The following SNRPN variants were observed in gnomAD, a reference collection of about 807,000 sequenced individuals.
SNRPN encodes the protein small nuclear ribonucleoprotein-associated protein N.
In SNRPN, 7 loss-of-function variants were observed where a neutral mutation model predicts 25.2. The observed-to-expected ratio is 0.28, with a 90% CI of 0.16 to 0.52. The LOEUF is 0.52. Among genes scored for constraint, SNRPN ranks in the 20% least tolerant of loss-of-function variants. The pLI is 0.96. For missense variants in SNRPN, 196 were observed against 322.5 expected, an observed-to-expected ratio of 0.61 and a Z score of 3.00; for synonymous variants, 124 against 110.6, an observed-to-expected ratio of 1.12 and a Z score of -0.76.
chr15:24,978,323 G>C lies in SNRPN; in HGVS notation c.685+5G>C. 6.2e-7 allele frequency: 1 copy of C among 1,614,154 alleles called. No individual in the cohort carries two copies. Among genetic ancestry groups the C allele is most frequent in the Non-Finnish European group, 8.5e-7 (1 of 1,180,018 alleles). On this transcript the variant is annotated splice_donor_5th_base_variant and intron_variant, in intron 9 of 9. Coordinates refer to ENST00000390687, the MANE Select transcript of SNRPN (RefSeq NM_003097.6). ...CCCCTCCACCAGGCATTAGAGGTGA[G>C]TGGGAGCATAGGGGTTTGATGGTTC...
At position 24,938,114 on chromosome 15, in the gene SNRPN, GT is replaced by G. The variant is rs34512648; in HGVS notation, c.-391+18004del. 8.2e-3 allele frequency among the ~76,000 whole-genome samples: 1,145 copies of G among 139,930 alleles called. 14 individuals are homozygous for G. Among genetic ancestry groups the G allele is most frequent in the South Asian group, 0.043 (189 of 4,376 alleles). The allele number at this position is 139,930 out of a possible 152,430, so 91.8% of individuals were successfully genotyped here. A position where few individuals can be genotyped will look rare whatever the true frequency, so the allele number is the denominator to read the frequency against. ...CTCTTTGAGTTTCTGCTTCTAATTCGTTTTTTTTTTTTTTGAGCTGGAGCCT... is the reference window on the plus strand; with the variant it reads ...CTCTTTGAGTTTCTGCTTCTAATTCGTTTTTTTTTTTTTGAGCTGGAGCCT... On this transcript the variant is annotated intron_variant, in intron 3 of 11. Transcript: ENST00000400097.
intron 2 of SNRPN, among the ~76,000 whole-genome samples, chr15:24,831,234 A>G (rs191318871): frequency 7.2e-5 from 11 of 152,126 alleles, no homozygotes; most frequent in Admixed American, 6.5e-4. Context: ...TTCTTTCTGA[A>G]GCTAATAAAG....
At chr15:24,960,686 C>T (rs2074630694) in intron 1 of SNRPN, among the ~76,000 whole-genome samples, 1 of 152,140 alleles carries the variant, frequency 6.6e-6, no homozygotes, top group African/African-American at 2.4e-5. Context: ...GTTTGGAGGA[C>T]TGTCTATTCA....
chr15:24,830,017 T>G (rs1489079245), intron 2 of SNRPN: 1 of 152,096 alleles, frequency 6.6e-6, no homozygotes, highest in African/African-American at 2.4e-5. Context: ...TCTCTGAGGA[T>G]ATACACGTTT....
chr15:24,954,081 ATTTTC>A (rs1261654070), upstream of SNRPN, among the ~76,000 whole-genome samples: 2 of 152,072 alleles, frequency 1.3e-5, no homozygotes, highest in Non-Finnish European at 2.9e-5. Context: ...TTTCAGGATT[ATTTTC>A]TTCTTTTCTG....
intron 2 of SNRPN, among the ~76,000 whole-genome samples, chr15:24,917,765 G>A (rs1361392556): frequency 1.3e-5 from 2 of 152,158 alleles, no homozygotes; most frequent in Admixed American, 6.5e-5. Context: ...ATGTTCTCTC[G>A]TTTTTATGTT....
chr15:24,909,062 T>G, intron 2 of SNRPN: 3 of 1,417,060 alleles, frequency 2.1e-6, no homozygotes. Flanking sequence ...GGGCTTATTT[T>G]CATAGACTGG....
intron 1 of SNRPN, among the ~76,000 whole-genome samples, chr15:24,862,553 A>G (rs1051268593): frequency 6.6e-6 from 1 of 151,238 alleles, no homozygotes; most frequent in Non-Finnish European, 1.5e-5. Flanking sequence ...CAACAAAAAA[A>G]CAAAATCTTC....
intron 1 of SNRPN, among the ~76,000 whole-genome samples, chr15:24,884,148 C>CAAAAAAAAAAA (rs61039873): frequency 0.081 from 8,483 of 104,222 alleles, 780 homozygotes; most frequent in South Asian, 0.1. Flanking sequence ...CCTGCCTCTA[C>CAAAAAAAAAAA]AAAAAAAAAA....
At chr15:24,857,798 C>T (rs951693968) in intron 1 of SNRPN, among the ~76,000 whole-genome samples, 1 of 152,200 alleles carries the variant, frequency 6.6e-6, no homozygotes, top group East Asian at 1.9e-4. Context: ...CACCCAGAGC[C>T]GGCTGTGCAG....
intron 3 of SNRPN, among the ~76,000 whole-genome samples, chr15:24,935,170 G>T (rs893357067): frequency 6.6e-6 from 1 of 151,988 alleles, no homozygotes; most frequent in Non-Finnish European, 1.5e-5. Flanking sequence ...TACTCGTGAG[G>T]CTGAGGCAGG....
At chr15:24,856,646 A>G (rs540775620) in exon 1 of SNRPN, 4 of 152,356 alleles carry the variant, frequency 2.6e-5, no homozygotes, top group Admixed American at 2.6e-4. Context: ...GTTCTTTTGC[A>G]TAAGAAAGGC....
chr15:24,877,954 T>C (rs1049043100), intron 1 of SNRPN, among the ~76,000 whole-genome samples: 1 of 152,232 alleles, frequency 6.6e-6, no homozygotes, highest in Non-Finnish European at 1.5e-5. Flanking sequence ...TAAAGAACGA[T>C]GTGAGTGCTA....
Position 24,978,459 on chromosome 15 carries a change from A to G in SNRPN, c.*15A>G, listed in dbSNP as rs772389635. On this transcript the variant is annotated 3_prime_UTR_variant, in exon 10 of 10. Coordinates refer to ENST00000390687, the MANE Select transcript of SNRPN (RefSeq NM_003097.6). ...CAAGACCTTAGCATACTGTTGATCC[A>G]TCTCAGTCACTTTTTCCCCTGCAAT... 1 of 1,611,514 alleles carries G rather than the reference A, an allele frequency of 6.2e-7. No individual in the cohort carries two copies. The highest frequency in any genetic ancestry group is 8.5e-7 in the Non-Finnish European group (1 of 1,178,486).
At chr15:24,969,663 A>C (rs771906376) in intron 3 of SNRPN, among the ~76,000 whole-genome samples, 34 of 152,028 alleles carry the variant, frequency 2.2e-4, no homozygotes, top group Non-Finnish European at 4.3e-4. Flanking sequence ...GTAAATTTTT[A>C]AATACAACAT....
intron 2 of SNRPN, among the ~76,000 whole-genome samples, chr15:24,963,944 G>T (rs934307478): frequency 7.9e-5 from 12 of 151,940 alleles, no homozygotes; most frequent in Non-Finnish European, 1.5e-4. Flanking sequence ...AAGTGGAAGG[G>T]TCACTTGATC....
At chr15:24,943,556 G>A (rs566954484) in intron 3 of SNRPN, among the ~76,000 whole-genome samples, 1 of 152,216 alleles carries the variant, frequency 6.6e-6, no homozygotes, top group African/African-American at 2.4e-5. Context: ...AGCTGGGCTG[G>A]TAAGATAACA....
intron 2 of SNRPN, among the ~76,000 whole-genome samples, chr15:24,891,957 T>A (rs1218179285): frequency 1.3e-5 from 2 of 152,214 alleles, no homozygotes; most frequent in Non-Finnish European, 1.5e-5. Context: ...CATTTCATAT[T>A]TTTTCCCTAT....
rs114920982 is a variant in SNRPN, at chr15:24,914,607, A to C, written c.-504-5404A>C. Among the ~76,000 whole-genome samples, 1,201 of 152,276 alleles carry C rather than the reference A, an allele frequency of 7.9e-3. 16 individuals are homozygous for C. Among genetic ancestry groups the C allele is most frequent in the African/African-American group, 0.027 (1,135 of 41,556 alleles). The stretch of plus-strand genomic sequence containing the variant: ...CCTATCCTTACAAGCTTCAGTGGAC[A>C]CTTGTCCAGAGCAATCAATGGCTCC... On this transcript the variant is annotated intron_variant, in intron 2 of 11. Coordinates refer to the SNRPN transcript ENST00000400097.
Sources: allele counts gnomAD v4.1 joint callset (sites outside exome capture counted in the v4.1 genomes callset), GRCh38; gene constraint gnomAD v4.1.1; transcripts MANE v1.5; gene names NCBI Gene and HGNC (gene_info 2026-07-23, HGNC 2026-07-21).